Variants in STRBP observed in about 807,000 individuals in gnomAD.
The protein encoded by STRBP is spermatid perinuclear RNA binding protein.
In STRBP, 13 loss-of-function variants were observed where a neutral mutation model predicts 80.1. That is an observed-to-expected ratio of 0.16 (90% CI 0.11 to 0.26). The LOEUF (loss-of-function observed/expected upper bound fraction) is 0.26. STRBP is among the 10% of genes least tolerant of loss of function. The pLI is 1.00. For missense variants in STRBP, 485 were observed against 815.2 expected (o/e 0.59, Z 4.93); for synonymous variants, 284 against 291.2 (o/e 0.98, Z 0.25).
chr9:123,154,092 T>C (rs1056786344), intron 11 of STRBP, among the ~76,000 whole-genome samples: 1 of 152,190 alleles, frequency 6.6e-6, no homozygotes, highest in African/African-American at 2.4e-5. Flanking sequence ...GGAGTGTAAA[T>C]TGGTATGTGC....
chr9:123,222,251 C>A (rs1384284152), intron 2 of STRBP, among the ~76,000 whole-genome samples: 1 of 151,682 alleles, frequency 6.6e-6, no homozygotes, highest in Non-Finnish European at 1.5e-5. Flanking sequence ...CCTGTGGTAG[C>A]CTTTACAAGT....
intron 2 of STRBP, among the ~76,000 whole-genome samples, chr9:123,235,508 GAAAAAA>G (rs200275946): frequency 2.6e-4 from 20 of 77,010 alleles, no homozygotes; most frequent in Admixed American, 1.7e-3. Flanking sequence ...GCAACTTCAG[GAAAAAA>G]AAAAAAAAAA....
intron 6 of STRBP, among the ~76,000 whole-genome samples, chr9:123,165,667 A>G (rs1418891945): frequency 2.0e-5 from 3 of 152,236 alleles, no homozygotes; most frequent in Non-Finnish European, 4.4e-5. Context: ...ACAAGCACCA[A>G]AAGAAATTGA....
At chr9:123,223,732 T>C (rs990174020) in intron 2 of STRBP, among the ~76,000 whole-genome samples, 1 of 152,188 alleles carries the variant, frequency 6.6e-6, no homozygotes, top group Admixed American at 6.5e-5. Flanking sequence ...TTTTTTTTTA[T>C]GAACCTCTTG....
chr9:123,227,677 A>G (rs1352161720), intron 2 of STRBP, among the ~76,000 whole-genome samples: 1 of 143,224 alleles, frequency 7.0e-6, no homozygotes, highest in Non-Finnish European at 1.5e-5. Flanking sequence ...GCTGTTCTTG[A>G]GCCTCAGCCT....
intron 3 of STRBP, among the ~76,000 whole-genome samples, 179 bp from the exon 4 acceptor site, chr9:123,179,406 C>T (rs913922771): frequency 6.6e-6 from 1 of 152,132 alleles, no homozygotes; most frequent in Non-Finnish European, 1.5e-5. Context: ...TACTGAACTC[C>T]TCACCAGAAA....
At chr9:123,142,197 C>T (rs919602219) in intron 13 of STRBP, among the ~76,000 whole-genome samples, 5 of 152,164 alleles carry the variant, frequency 3.3e-5, no homozygotes, top group Non-Finnish European at 7.4e-5. Flanking sequence ...GTGATTGGAT[C>T]ATAGGGGCAG....
intron 1 of STRBP, among the ~76,000 whole-genome samples, chr9:123,264,859 G>A (rs1312806212): frequency 4.6e-5 from 7 of 152,096 alleles, no homozygotes; most frequent in African/African-American, 7.2e-5. Flanking sequence ...AAAGTAGTGC[G>A]CACCCCAAGT....
intron 3 of STRBP, among the ~76,000 whole-genome samples, chr9:123,181,167 T>C (rs1275188478): frequency 6.6e-6 from 1 of 152,256 alleles, no homozygotes; most frequent in African/African-American, 2.4e-5. Context: ...TCTAGATGTC[T>C]TTCTTGCTCA....
chr9:123,216,001 C>T (rs2039885226), intron 2 of STRBP, among the ~76,000 whole-genome samples: 1 of 152,192 alleles, frequency 6.6e-6, no homozygotes, highest in South Asian at 2.1e-4. Flanking sequence ...ACCATGCTTA[C>T]TCTGTAACCT....
intron 5 of STRBP, among the ~76,000 whole-genome samples, chr9:123,172,731 G>T (rs1214955520): frequency 1.3e-5 from 2 of 151,942 alleles, no homozygotes; most frequent in East Asian, 3.8e-4. Context: ...GTCAGCTAGT[G>T]AATATGAAAG....
rs945142090 is a variant in STRBP, at chr9:123,180,375, A to C, written c.4-1148T>G. Among the ~76,000 whole-genome samples, 9 of 152,350 alleles carry C rather than the reference A, an allele frequency of 5.9e-5. No individual in the cohort carries two copies. The South Asian group carries it at 6.2e-4, about 11-fold the overall frequency. ...AAATAGTGTTCACTATTTGACATTC[A>C]AACCTTTGGTGCAAGGCCTTTAATT... On this transcript the variant is annotated intron_variant, in intron 3 of 18. Coordinates refer to ENST00000348403, the MANE Select transcript of STRBP (RefSeq NM_018387.5).
intron 1 of STRBP, among the ~76,000 whole-genome samples, chr9:123,245,114 TG>T (rs1397745305): frequency 1.3e-5 from 2 of 152,196 alleles, no homozygotes; most frequent in Non-Finnish European, 2.9e-5. Context: ...ATTACAGAGA[TG>T]GATTACTCAG....
chr9:123,222,817 A>C (rs766790294), intron 2 of STRBP, among the ~76,000 whole-genome samples: 1 of 152,218 alleles, frequency 6.6e-6, no homozygotes, highest in Non-Finnish European at 1.5e-5. Flanking sequence ...TAGGAATCAC[A>C]ATCTACTTTT....
intron 2 of STRBP, among the ~76,000 whole-genome samples, chr9:123,228,258 G>C (rs1564319827): frequency 6.6e-6 from 1 of 152,174 alleles, no homozygotes; most frequent in Non-Finnish European, 1.5e-5. Flanking sequence ...TGGTGGGCAG[G>C]CAGCTGGACA....
At chr9:123,186,542 GA>G (rs200966143) in intron 2 of STRBP, among the ~76,000 whole-genome samples, 5 of 149,916 alleles carry the variant, frequency 3.3e-5, no homozygotes, top group Admixed American at 1.3e-4. Context: ...AATAACTCAT[GA>G]AAAAAAAACT....
At chr9:123,205,090 A>T (rs1351195744) in intron 2 of STRBP, among the ~76,000 whole-genome samples, 1 of 151,590 alleles carries the variant, frequency 6.6e-6, no homozygotes, top group Non-Finnish European at 1.5e-5. Flanking sequence ...ACATGGCAAA[A>T]CTCCGTCTCT....
At chr9:123,197,083 C>A (rs1235591007) in intron 2 of STRBP, among the ~76,000 whole-genome samples, 1 of 151,962 alleles carries the variant, frequency 6.6e-6, no homozygotes, top group Non-Finnish European at 1.5e-5. Flanking sequence ...TTGTTACTTG[C>A]AACAACAACA....
At chr9:123,191,146 G>C (rs1301410019) in intron 2 of STRBP, among the ~76,000 whole-genome samples, 1 of 152,166 alleles carries the variant, frequency 6.6e-6, no homozygotes, top group Non-Finnish European at 1.5e-5. Context: ...GCTTGGAAAA[G>C]AGAGGAAGCA....
Sources: allele counts gnomAD v4.1 joint callset (sites outside exome capture counted in the v4.1 genomes callset), GRCh38; gene constraint gnomAD v4.1.1; transcripts MANE v1.5; gene names NCBI Gene and HGNC (gene_info 2026-07-23, HGNC 2026-07-21).